TXNRD1: variants seen among roughly 807,000 people sequenced by gnomAD.
TXNRD1 encodes the protein thioredoxin reductase 1, also known as thioredoxin reductase 1, cytoplasmic.
Under a neutral mutation model 80.3 loss-of-function variants are expected in TXNRD1, and 57 were observed. The observed-to-expected ratio is 0.71, with a 90% CI of 0.57 to 0.89. TXNRD1 has a LOEUF of 0.89. Among genes scored for constraint, TXNRD1 ranks in the 40% least tolerant of loss-of-function variants. The pLI, the probability that TXNRD1 is intolerant of heterozygous loss-of-function variation, is 0.00. For missense variants in TXNRD1, 730 were observed against 803.0 expected (o/e 0.91, Z 1.10); for synonymous variants, 291 against 285.2 (o/e 1.02, Z -0.20).
chr12:104,332,769 AAAG>A (rs1324884211), intron 14 of TXNRD1, among the ~76,000 whole-genome samples: 1 of 151,160 alleles, frequency 6.6e-6, no homozygotes, highest in African/African-American at 2.4e-5. Flanking sequence ...AAAAAAAAAA[AAAG>A]AATAGTATAT....
chr12:104,262,485 C>T (rs2033388979), intron 3 of TXNRD1: 1 of 152,168 alleles, frequency 6.6e-6, no homozygotes. Context: ...CATGAATAAA[C>T]ACCTCCTTTA....
intron 4 of TXNRD1, among the ~76,000 whole-genome samples, chr12:104,310,922 T>G (rs1012055709): frequency 6.6e-6 from 1 of 152,228 alleles, no homozygotes; most frequent in Non-Finnish European, 1.5e-5. Flanking sequence ...AAAATTGTTA[T>G]ATTGAGATTA....
intron 14 of TXNRD1, among the ~76,000 whole-genome samples, chr12:104,332,436 AC>A (rs1251564638): frequency 6.6e-6 from 1 of 152,114 alleles, no homozygotes; most frequent in Admixed American, 6.6e-5. Flanking sequence ...CACATTATTA[AC>A]CTTTTTTTCT....
At chr12:104,326,931 G>A (rs972829140) in intron 12 of TXNRD1, among the ~76,000 whole-genome samples, 3 of 151,988 alleles carry the variant, frequency 2.0e-5, no homozygotes, top group Non-Finnish European at 4.4e-5. Context: ...TGCTTCCTGT[G>A]TTCAAGTGAT....
chr12:104,339,312 A>G (rs1488405919), intron 16 of TXNRD1, 39 bp downstream of exon 16: 1 of 1,612,280 alleles, frequency 6.2e-7, no homozygotes, highest in Admixed American at 1.7e-5. Context: ...AATGTTTAAA[A>G]TGTGCCACAT....
intron 1 of TXNRD1, among the ~76,000 whole-genome samples, chr12:104,219,082 A>G (rs1038421416): frequency 6.6e-6 from 1 of 152,014 alleles, no homozygotes; most frequent in Non-Finnish European, 1.5e-5. Flanking sequence ...AGCTAGGATT[A>G]CAGGGACACA....
intron 3 of TXNRD1, among the ~76,000 whole-genome samples, chr12:104,264,122 C>T (rs10745995): frequency 0.91 from 138,412 of 152,246 alleles, 63,123 homozygotes; most frequent in Middle Eastern, 0.97. Flanking sequence ...AACAGATTTG[C>T]TTTGGGCACC....
At chr12:104,331,857 G>A (rs1192997226) in intron 14 of TXNRD1, among the ~76,000 whole-genome samples, 1 of 151,910 alleles carries the variant, frequency 6.6e-6, no homozygotes, top group Non-Finnish European at 1.5e-5. Context: ...TCATTTGAGA[G>A]TAAGTTGAAT....
intron 4 of TXNRD1, among the ~76,000 whole-genome samples, chr12:104,301,611 A>G (rs963624174): frequency 5.9e-5 from 9 of 152,368 alleles, no homozygotes; most frequent in Middle Eastern, 3.4e-3. Flanking sequence ...TGCTGGGATT[A>G]CAGGCGTGAG....
chr12:104,293,756 A>C (rs1235513839), intron 4 of TXNRD1, among the ~76,000 whole-genome samples: 1 of 152,204 alleles, frequency 6.6e-6, no homozygotes, highest in Non-Finnish European at 1.5e-5. Flanking sequence ...AGATAAGAGA[A>C]AAGGCAGCTG....
At chr12:104,228,459 C>T (rs1470879093) in intron 1 of TXNRD1, among the ~76,000 whole-genome samples, 1 of 151,716 alleles carries the variant, frequency 6.6e-6, no homozygotes, top group African/African-American at 2.4e-5. Context: ...TGGAGAAACC[C>T]CGTCTCTACT....
At chr12:104,264,140 A>G (rs550855264) in intron 3 of TXNRD1, among the ~76,000 whole-genome samples, 4 of 152,322 alleles carry the variant, frequency 2.6e-5, no homozygotes, top group African/African-American at 9.6e-5. Context: ...ACCTATTTAT[A>G]TGCCAAGCAC....
intron 4 of TXNRD1, chr12:104,303,649 T>C: frequency 2.4e-6 from 1 of 419,230 alleles, no homozygotes. Flanking sequence ...AGCGAGCGCC[T>C]CGGCTTGTGG....
chr12:104,327,158 G>A (rs770249501), intron 12 of TXNRD1, among the ~76,000 whole-genome samples: 19 of 152,152 alleles, frequency 1.2e-4, no homozygotes, highest in Admixed American at 4.6e-4. Flanking sequence ...CAACTATGAA[G>A]AAATGAAACT....
At chr12:104,303,908 A>C in intron 4 of TXNRD1, 1 of 1,558,082 alleles carries the variant, frequency 6.4e-7, no homozygotes, top group East Asian at 2.3e-5. Flanking sequence ...GTACGCGGCG[A>C]AGTAGGCGGC....
chr12:104,218,275 C>G (rs145379329), intron 1 of TXNRD1, among the ~76,000 whole-genome samples: 5 of 152,152 alleles, frequency 3.3e-5, no homozygotes, highest in Non-Finnish European at 7.4e-5. Flanking sequence ...CTTCCCGCCT[C>G]AGCCTCCCAA....
intron 10 of TXNRD1, among the ~76,000 whole-genome samples, chr12:104,322,391 T>C (rs1164884142): frequency 4.9e-5 from 7 of 144,150 alleles, no homozygotes; most frequent in Non-Finnish European, 7.6e-5. Flanking sequence ...TTTTTTTTTT[T>C]TTTTTTTGAG....
intron 1 of TXNRD1, among the ~76,000 whole-genome samples, chr12:104,246,002 A>G (rs1211691600): frequency 6.7e-6 from 1 of 150,166 alleles, no homozygotes; most frequent in Non-Finnish European, 1.5e-5. Flanking sequence ...AGTCCCAGCT[A>G]CTCGGGAGGT....
intron 3 of TXNRD1, among the ~76,000 whole-genome samples, chr12:104,270,185 G>A (rs2033624426): frequency 6.6e-6 from 1 of 152,184 alleles, no homozygotes; most frequent in African/African-American, 2.4e-5. Context: ...GTTCTGAATG[G>A]CATCTAGAAT....
Sources: gnomAD v4.1 joint callset for allele counts (sites outside exome capture counted in the v4.1 genomes callset) on GRCh38, gnomAD v4.1.1 for gene constraint, MANE v1.5 for transcripts, NCBI Gene and HGNC (gene_info 2026-07-23, HGNC 2026-07-21) for gene names.